KLHL4: variants seen among roughly 807,000 people sequenced by gnomAD.
The protein encoded by KLHL4 is kelch-like protein 4.
A neutral mutation model predicts 45.8 loss-of-function variants in KLHL4; 17 were observed. That is an observed-to-expected ratio of 0.37 (90% CI 0.25 to 0.56). The LOEUF is 0.56. KLHL4 is among the 20% of genes least tolerant of loss of function. The pLI is 0.79. For missense variants in KLHL4, 544 were observed against 544.9 expected (o/e 1.00, Z 0.02); for synonymous variants, 224 against 189.9 (o/e 1.18, Z -1.47).
chrX:87,583,907 T>G (rs1274965829), intron 1 of KLHL4, among the ~76,000 whole-genome samples: 2 of 111,786 alleles, frequency 1.8e-5, no homozygotes, highest in Non-Finnish European at 3.8e-5. Flanking sequence ...TGCCTTGGGC[T>G]AGGACCAGTG....
chrX:87,584,455 A>T (rs1921391807), intron 1 of KLHL4, among the ~76,000 whole-genome samples: 1 of 112,108 alleles, frequency 8.9e-6, no homozygotes, highest in South Asian at 3.6e-4. Context: ...AACACAAAGA[A>T]ATTGAAGATA....
At chrX:87,629,374 G>A (rs956885933) in intron 6 of KLHL4, among the ~76,000 whole-genome samples, 1 of 111,373 alleles carries the variant, frequency 9.0e-6, no homozygotes, top group African/African-American at 3.3e-5. Context: ...AAGGATTGGT[G>A]GGGGTGGACA....
At chrX:87,627,607 T>C (rs1602451967) in intron 6 of KLHL4, among the ~76,000 whole-genome samples, 1 of 111,778 alleles carries the variant, frequency 8.9e-6, no homozygotes, top group Non-Finnish European at 1.9e-5. Flanking sequence ...CTAGGTTTTA[T>C]AGGGCAATGA....
At chrX:87,560,918 T>C (rs1238842474) in intron 1 of KLHL4, among the ~76,000 whole-genome samples, 1 of 111,686 alleles carries the variant, frequency 9.0e-6, no homozygotes, top group Non-Finnish European at 1.9e-5. Context: ...CTGATATTCC[T>C]TTAAAAGCCT....
intron 9 of KLHL4, among the ~76,000 whole-genome samples, chrX:87,639,657 C>T (rs1004223273): frequency 2.7e-5 from 3 of 110,759 alleles, no homozygotes; most frequent in African/African-American, 9.8e-5. Context: ...ATTATTTGAA[C>T]TGAACAATAA....
chrX:87,590,649 C>A (rs992545767), intron 1 of KLHL4, among the ~76,000 whole-genome samples: 3 of 111,291 alleles, frequency 2.7e-5, no homozygotes, highest in Admixed American at 1.9e-4. Flanking sequence ...TATATATAAA[C>A]CAAAGGAACA....
intron 9 of KLHL4, among the ~76,000 whole-genome samples, chrX:87,638,014 G>A (rs1420631994): frequency 9.0e-6 from 1 of 111,592 alleles, no homozygotes; most frequent in Non-Finnish European, 1.9e-5. Flanking sequence ...ACAACTTCTG[G>A]AAGTGAAGGA....
At chrX:87,561,172 G>C (rs750894722) in intron 1 of KLHL4, among the ~76,000 whole-genome samples, 1 of 111,141 alleles carries the variant, frequency 9.0e-6, no homozygotes, top group Non-Finnish European at 1.9e-5. Context: ...GGAACACCAA[G>C]TTAAACAACT....
chrX:87,556,460 T>G, intron 1 of KLHL4, among the ~76,000 whole-genome samples: 1 of 97,715 alleles, frequency 1.0e-5, no homozygotes, highest in East Asian at 3.3e-4. Context: ...CACTCATAGG[T>G]GGGAATTGAA....
intron 1 of KLHL4, among the ~76,000 whole-genome samples, chrX:87,545,933 A>G (rs1039225152): frequency 1.8e-5 from 2 of 111,879 alleles, no homozygotes; most frequent in African/African-American, 6.5e-5. Flanking sequence ...CCCACGCCCT[A>G]GAGATCTGTG....
intron 1 of KLHL4, among the ~76,000 whole-genome samples, chrX:87,531,068 C>G (rs1158869116): frequency 8.9e-6 from 1 of 111,875 alleles, no homozygotes; most frequent in Non-Finnish European, 1.9e-5. Flanking sequence ...TAAATGTCTT[C>G]TTTTGAGAAG....
intron 1 of KLHL4, among the ~76,000 whole-genome samples, chrX:87,539,252 T>C (rs972167031): frequency 1.8e-5 from 2 of 111,305 alleles, no homozygotes; most frequent in African/African-American, 6.5e-5. Context: ...TTTTGCAGTA[T>C]CTGCTGCACT....
At chrX:87,588,727 C>A (rs1921561024) in intron 1 of KLHL4, among the ~76,000 whole-genome samples, 1 of 110,667 alleles carries the variant, frequency 9.0e-6, no homozygotes, top group South Asian at 3.8e-4. Context: ...ATCTCCAGGA[C>A]ATTGGTCTGA....
At chrX:87,562,929 T>C (rs6617433) in intron 1 of KLHL4, among the ~76,000 whole-genome samples, 49,646 of 109,780 alleles carry the variant, frequency 0.45, 8,134 homozygotes, top group East Asian at 0.77. Flanking sequence ...GAAAGAGGCT[T>C]AATTTGCTTG....
At chrX:87,538,165 A>T (rs557722623) in intron 1 of KLHL4, among the ~76,000 whole-genome samples, 3 of 111,626 alleles carry the variant, frequency 2.7e-5, no homozygotes, top group African/African-American at 9.7e-5. Context: ...GATGAACAGA[A>T]GTAAGAATTG....
rs183451147 is a variant in KLHL4, at chrX:87,660,225, C to A, written c.1926-4539C>A. On this transcript the variant is annotated intron_variant, in intron 9 of 10. Coordinates refer to ENST00000373119, the MANE Select transcript of KLHL4 (RefSeq NM_019117.5). ...CAACTCATAAAAGTTAGGGTACAAG[C>A]CTGACTACCAGAGAATGTACACAGA... Among the ~76,000 whole-genome samples the A allele has an allele frequency of 3.5e-3, 392 of 111,216 alleles. 2 individuals are homozygous for A. Among genetic ancestry groups the A allele is most frequent in the African/African-American group, 0.011 (346 of 30,634 alleles).
At chrX:87,638,346 T>C (rs1923337940) in intron 9 of KLHL4, among the ~76,000 whole-genome samples, 1 of 111,340 alleles carries the variant, frequency 9.0e-6, no homozygotes, top group African/African-American at 3.3e-5. Flanking sequence ...TCAAAGAACA[T>C]CTGGGAAATT....
chrX:87,648,724 G>A (rs780057086), intron 9 of KLHL4, among the ~76,000 whole-genome samples: 1 of 111,378 alleles, frequency 9.0e-6, no homozygotes, highest in Admixed American at 9.6e-5. Context: ...TTCTTATAGG[G>A]AATTCTGATC....
At chrX:87,620,332 TAAGTGA>T (rs2147817242) in intron 4 of KLHL4, among the ~76,000 whole-genome samples, 1 of 112,129 alleles carries the variant, frequency 8.9e-6, no homozygotes, top group South Asian at 3.7e-4. Context: ...AATTAATCTT[TAAGTGA>T]AACTAATTAA....
Sources: gnomAD v4.1 joint callset for allele counts (sites outside exome capture counted in the v4.1 genomes callset) on GRCh38, gnomAD v4.1.1 for gene constraint, MANE v1.5 for transcripts, NCBI Gene and HGNC (gene_info 2026-07-23, HGNC 2026-07-21) for gene names.